The following IL20RA variants were observed in gnomAD, a reference collection of about 807,000 sequenced individuals.
IL20RA encodes the protein interleukin-20 receptor subunit alpha.
Under a neutral mutation model 36.5 loss-of-function variants are expected in IL20RA, and 29 were observed. The observed-to-expected ratio is 0.79, with a 90% CI of 0.59 to 1.08. IL20RA has a LOEUF of 1.08. Ranked by LOEUF, IL20RA falls within the 50% of genes least tolerant of loss-of-function variation. IL20RA has a pLI of 0.00. For missense variants in IL20RA, 652 were observed against 668.4 expected (o/e 0.98, Z 0.27); for synonymous variants, 279 against 267.1 (o/e 1.04, Z -0.43).
chr6:137,006,463 A>G (rs1445118385), intron 5 of IL20RA, among the ~76,000 whole-genome samples: 1 of 152,252 alleles, frequency 6.6e-6, no homozygotes, highest in Non-Finnish European at 1.5e-5. Flanking sequence ...GAAAAAAGTC[A>G]TAACAATGAC....
chr6:137,008,988 C>T, intron 4 of IL20RA: 1 of 494,656 alleles, frequency 2.0e-6, no homozygotes, highest in Non-Finnish European at 3.5e-6. Flanking sequence ...GGATAGAGTT[C>T]TTATTCATTG....
In IL20RA at chr6:137,001,721, T is replaced by C. The variant is rs1775045259; in HGVS notation, c.1499A>G (p.Asp500Gly). 2.5e-6 allele frequency: 4 copies of C among 1,613,918 alleles called. No homozygotes were observed. In the African/African-American group the frequency reaches 4.0e-5, roughly 16 times the overall value. Residue 500 changes from aspartate to glycine, a missense_variant, in exon 7 of 7, where the codon GAT becomes GGT. Transcript: ENST00000316649. ...CIPSLSSFDQ[D>G]SEGCEPSEGD... ...CTCAGAAGGCTCGCAGCCCTCTGAA[T>C]CCTGGTCGAAGCTGGACAGCGAAGG... is the stretch of plus-strand genomic sequence containing the variant.
At chr6:137,021,646 C>T (rs1337885432) in intron 1 of IL20RA, among the ~76,000 whole-genome samples, 1 of 152,012 alleles carries the variant, frequency 6.6e-6, no homozygotes, top group South Asian at 2.1e-4. Flanking sequence ...CCAGCCTGGG[C>T]AACAGAGCGA....
intron 1 of IL20RA, among the ~76,000 whole-genome samples, chr6:137,027,254 C>T (rs922309309): frequency 2.0e-5 from 3 of 152,206 alleles, no homozygotes; most frequent in Non-Finnish European, 4.4e-5. Context: ...AGCTGCACAA[C>T]TGTCGTCTAT....
chr6:137,032,162 G>C (rs1184587585), intron 1 of IL20RA, among the ~76,000 whole-genome samples: 1 of 152,070 alleles, frequency 6.6e-6, no homozygotes, highest in Non-Finnish European at 1.5e-5. Flanking sequence ...TTGTTGTGTT[G>C]TTGCATAGGT....
intron 2 of IL20RA, among the ~76,000 whole-genome samples, chr6:137,014,905 C>T (rs930262819): frequency 1.3e-5 from 2 of 152,318 alleles, no homozygotes; most frequent in Non-Finnish European, 1.5e-5. Flanking sequence ...TTAGTTAGTG[C>T]TCCACCTCAT....
chr6:137,034,437 C>CAGTTTAA (rs1776404085), intron 1 of IL20RA, among the ~76,000 whole-genome samples: 1 of 152,012 alleles, frequency 6.6e-6, no homozygotes, highest in African/African-American at 2.4e-5. Context: ...TCAGGATACA[C>CAGTTTAA]GTGCAGAATG....
chr6:137,021,119 T>TCC (rs1189543626), intron 1 of IL20RA, among the ~76,000 whole-genome samples: 3 of 152,138 alleles, frequency 2.0e-5, no homozygotes, highest in Non-Finnish European at 4.4e-5. Flanking sequence ...AAGCACATCT[T>TCC]GTCTCTCTGC....
At chr6:137,013,559 C>G (rs938559458) in intron 2 of IL20RA, among the ~76,000 whole-genome samples, 1 of 152,228 alleles carries the variant, frequency 6.6e-6, no homozygotes. Flanking sequence ...GGGATCCACT[C>G]AAATTCACAT....
intron 5 of IL20RA, among the ~76,000 whole-genome samples, chr6:137,006,416 T>C (rs752308549): frequency 6.6e-6 from 1 of 152,154 alleles, no homozygotes; most frequent in Non-Finnish European, 1.5e-5. Flanking sequence ...ACCCTCTTAA[T>C]ACAATCCCTG....
intron 1 of IL20RA, among the ~76,000 whole-genome samples, chr6:137,037,486 T>C (rs1439886316): frequency 6.6e-6 from 1 of 152,064 alleles, no homozygotes; most frequent in Non-Finnish European, 1.5e-5. Flanking sequence ...CAAAATGAAA[T>C]TGTACTAATA....
chr6:137,035,717 A>T (rs1776469930), intron 1 of IL20RA, among the ~76,000 whole-genome samples: 1 of 152,250 alleles, frequency 6.6e-6, no homozygotes, highest in African/African-American at 2.4e-5. Context: ...ATTTTGTTAA[A>T]TCTGATCACT....
At position 137,044,962 on chromosome 6, in the gene IL20RA, G is replaced by A. The variant is rs761879696; in HGVS notation, c.-234C>T. ...CGCGCGCTCCCCCGGCTACCCAGCT[G>A]GATGGCAGCGCGAGGGCAGTTCTCG... is the stretch of plus-strand genomic sequence containing the variant. On this transcript the variant is annotated 5_prime_UTR_variant, in exon 1 of 7. Coordinates refer to ENST00000316649, the MANE Select transcript of IL20RA (RefSeq NM_014432.4). 2.1e-5 allele frequency: 7 copies of A among 327,070 alleles called. No individual in the cohort carries two copies. Among genetic ancestry groups the A allele is most frequent in the Non-Finnish European group, 3.3e-5 (6 of 181,952 alleles). 20.3% of individuals were successfully genotyped at this position (327,070 alleles called of 1,614,324 possible). A position where few individuals can be genotyped will look rare whatever the true frequency, so the allele number is the denominator to read the frequency against.
At position 137,017,074 on chromosome 6, in the gene IL20RA, G is replaced by A. The variant is rs1409859309; in HGVS notation, c.118C>T (p.Pro40Ser). The part of the protein sequence containing the change: ...VPCVSGGLPK[P>S]ANITFLSINM... ...ATGGATAAGAAGGTGATGTTTGCAG[G>A]TTTAGGCAAACCACCAGAGACACAG... Residue 40 changes from proline to serine, a missense_variant, in exon 2 of 7, where the codon CCT becomes TCT. By Grantham distance (74) the Pro-to-Ser change is moderately conservative. Coordinates refer to ENST00000316649, the MANE Select transcript of IL20RA (RefSeq NM_014432.4). 19 of 1,613,576 alleles carry A rather than the reference G, an allele frequency of 1.2e-5. No homozygotes were observed. Among genetic ancestry groups the A allele is most frequent in the Non-Finnish European group, 1.4e-5 (17 of 1,179,666 alleles).
chr6:137,009,152 T>G, intron 4 of IL20RA, 165 bp downstream of exon 4: 1 of 664,164 alleles, frequency 1.5e-6, no homozygotes, highest in Non-Finnish European at 2.8e-6. Context: ...CTGAAGTTAG[T>G]TCTGTAAAAT....
intron 1 of IL20RA, among the ~76,000 whole-genome samples, chr6:137,017,703 T>A (rs1486807144): frequency 3.9e-5 from 6 of 151,958 alleles, no homozygotes; most frequent in Non-Finnish European, 8.8e-5. Context: ...TGGGACTGCC[T>A]TTACTAAAGA....
Position 137,001,726 on chromosome 6 carries a change from G to A in IL20RA, c.1494C>T (p.Asp498=), listed in dbSNP as rs1344888613. 4.3e-6 allele frequency: 7 copies of A among 1,613,754 alleles called. No homozygotes were observed. The East Asian group carries it at 6.7e-5, about 15-fold the overall frequency. Residue 498 remains aspartate (D), a synonymous_variant, in exon 7 of 7, where the codon GAC becomes GAT. Transcript: ENST00000316649. ...RLCIPSLSSF[D]QDSEGCEPSE... ...AAGGCTCGCAGCCCTCTGAATCCTG[G>A]TCGAAGCTGGACAGCGAAGGAATAC...
At chr6:137,021,946 A>T (rs1775923203) in intron 1 of IL20RA, among the ~76,000 whole-genome samples, 2 of 152,148 alleles carry the variant, frequency 1.3e-5, no homozygotes, top group African/African-American at 4.8e-5. Context: ...CAGATGAGGA[A>T]ACTGAGGCAC....
chr6:137,041,537 T>TTAGTTCACA (rs1776691660), intron 1 of IL20RA, among the ~76,000 whole-genome samples: 2 of 152,186 alleles, frequency 1.3e-5, no homozygotes, highest in South Asian at 4.1e-4. Context: ...TTCACTAGAA[T>TTAGTTCACA]CATTTATGTC....
Sources: gnomAD v4.1 joint callset for allele counts (sites outside exome capture counted in the v4.1 genomes callset) on GRCh38, gnomAD v4.1.1 for gene constraint, MANE v1.5 for transcripts, NCBI Gene and HGNC (gene_info 2026-07-23, HGNC 2026-07-21) for gene names.